CACNB4: variants seen among roughly 807,000 people sequenced by gnomAD.
CACNB4 encodes the protein voltage-dependent L-type calcium channel subunit beta-4.
Under a neutral mutation model 71.2 loss-of-function variants are expected in CACNB4, and 32 were observed. The ratio of observed to expected loss-of-function variants is 0.45; its 90% CI spans 0.34 to 0.60. The LOEUF (loss-of-function observed/expected upper bound fraction) is 0.60, where lower values mean the gene tolerates loss of function less well. Among genes scored for constraint, CACNB4 ranks in the 20% least tolerant of loss-of-function variants. The pLI is 0.01. For missense variants in CACNB4, 464 were observed against 647.9 expected (o/e 0.72, Z 3.08); for synonymous variants, 231 against 236.9 (o/e 0.97, Z 0.23).
At chr2:151,971,852 C>G (rs1560095994) in intron 2 of CACNB4, 2 of 491,990 alleles carry the variant, frequency 4.1e-6, no homozygotes, top group Non-Finnish European at 7.4e-6. Context: ...GCCAGATGCC[C>G]AACTCCACTC....
intron 2 of CACNB4, among the ~76,000 whole-genome samples, chr2:152,057,807 A>G (rs771287840): frequency 4.6e-5 from 7 of 151,416 alleles, no homozygotes; most frequent in Non-Finnish European, 8.8e-5. Flanking sequence ...GTCTCTGCCT[A>G]TGGCAGGCAG....
In CACNB4 at chr2:151,878,141, A is replaced by G. The variant is rs566469723; in HGVS notation, c.391-1585T>C. On this transcript the variant is annotated intron_variant, in intron 4 of 13. Transcript: ENST00000539935. ...CATATACTTTTTTCAAAATGTAACA[A>G]TGATATGTAGTATATTTTGCTGAGC... 2.6e-4 allele frequency among the ~76,000 whole-genome samples: 40 copies of G among 152,222 alleles called. No individual in the cohort carries two copies. In the South Asian group the frequency reaches 3.5e-3, roughly 13 times the overall value.
At position 152,098,627 on chromosome 2, in the gene CACNB4, C is replaced by G. The variant is rs1470859812; in HGVS notation, c.64-214G>C. On this transcript the variant is annotated intron_variant, in intron 1 of 13. Transcript: ENST00000539935. This position sits in a 1 kb window ranked among gnomAD's most constrained non-coding sequence, Gnocchi z 5.3. Reference sequence around the variant, plus strand: ...TGAAAAGATGCTCGAGAAGAGCAGCCCGCAAGCACCCACCACATCCATTAA... The same window carrying G: ...TGAAAAGATGCTCGAGAAGAGCAGCGCGCAAGCACCCACCACATCCATTAA... 3 of 1,563,418 alleles carry G rather than the reference C, an allele frequency of 1.9e-6. No homozygotes were observed. In the South Asian group the frequency reaches 3.5e-5, roughly 18 times the overall value.
At chr2:152,079,858 G>A (rs1466940870) in intron 2 of CACNB4, among the ~76,000 whole-genome samples, 3 of 152,054 alleles carry the variant, frequency 2.0e-5, no homozygotes, top group African/African-American at 7.2e-5. Context: ...CCATCACCTA[G>A]AGTTCTGAAA....
rs184011124 is a variant in CACNB4, at chr2:151,980,984, G to A, written c.148-97614C>T. 6.6e-5 allele frequency among the ~76,000 whole-genome samples: 10 copies of A among 152,164 alleles called. No individual in the cohort carries two copies. In the East Asian group the frequency reaches 1.5e-3, roughly 24 times the overall value. On this transcript the variant is annotated intron_variant, in intron 2 of 13. Transcript: ENST00000539935. ...TTGCACAAGATGTCCCCTCTGTCAG[G>A]GAGGCCACCTTCACTCTGTCCCCTA... is the stretch of plus-strand genomic sequence containing the variant.
chr2:152,065,759 A>AT (rs1423703433), intron 2 of CACNB4, among the ~76,000 whole-genome samples: 1 of 151,922 alleles, frequency 6.6e-6, no homozygotes, highest in African/African-American at 2.4e-5. Context: ...TAAGGGGGTA[A>AT]TTTTTTTAAG....
At chr2:152,036,622 T>C (rs1684610546) in intron 2 of CACNB4, among the ~76,000 whole-genome samples, 1 of 152,228 alleles carries the variant, frequency 6.6e-6, no homozygotes, top group African/African-American at 2.4e-5. Flanking sequence ...TTACATGTTT[T>C]TTACCACATT....
intron 12 of CACNB4, among the ~76,000 whole-genome samples, chr2:151,846,255 T>C (rs779863440): frequency 2.6e-5 from 4 of 152,180 alleles, no homozygotes; most frequent in Non-Finnish European, 5.9e-5. Context: ...GTCACCCTAC[T>C]TTTTACAGAA....
intron 2 of CACNB4, among the ~76,000 whole-genome samples, chr2:151,911,969 T>C (rs1405045158): frequency 6.6e-6 from 1 of 152,230 alleles, no homozygotes; most frequent in African/African-American, 2.4e-5. Flanking sequence ...GATGTGTTTT[T>C]AGTATTCTCT....
At chr2:152,033,223 C>T (rs1228675209) in intron 2 of CACNB4, among the ~76,000 whole-genome samples, 2 of 152,184 alleles carry the variant, frequency 1.3e-5, no homozygotes, top group African/African-American at 2.4e-5. Flanking sequence ...GATGAAGAGG[C>T]ATGCTTACAC....
intron 2 of CACNB4, among the ~76,000 whole-genome samples, chr2:152,047,043 AG>A (rs569974329): frequency 6.8e-4 from 104 of 152,292 alleles, no homozygotes; most frequent in African/African-American, 2.4e-3. Context: ...AGTCCCTTCA[AG>A]GGAAATTCTG....
chr2:152,043,598 G>A (rs1009189560), intron 2 of CACNB4, among the ~76,000 whole-genome samples: 3 of 152,156 alleles, frequency 2.0e-5, no homozygotes, highest in Non-Finnish European at 4.4e-5. Flanking sequence ...GGGATTACAC[G>A]TGTGAGCCAC....
At chr2:151,903,460 A>T in intron 2 of CACNB4, among the ~76,000 whole-genome samples, 1 of 152,240 alleles carries the variant, frequency 6.6e-6, no homozygotes, top group Non-Finnish European at 1.5e-5. Context: ...TGGAGGCTGC[A>T]GTGAGCCAAG....
intron 2 of CACNB4, among the ~76,000 whole-genome samples, chr2:152,030,175 G>A (rs1378552111): frequency 6.6e-6 from 1 of 151,662 alleles, no homozygotes; most frequent in Non-Finnish European, 1.5e-5. Flanking sequence ...AAAATAGTTT[G>A]AGGATTATAT....
At chr2:152,081,996 A>C (rs1277874565) in intron 2 of CACNB4, among the ~76,000 whole-genome samples, 3 of 152,212 alleles carry the variant, frequency 2.0e-5, no homozygotes, top group African/African-American at 7.2e-5. Flanking sequence ...AACTTGTGTT[A>C]TTCTTTATTA....
chr2:151,905,417 C>A (rs905741118), intron 2 of CACNB4, among the ~76,000 whole-genome samples: 15 of 152,208 alleles, frequency 9.9e-5, no homozygotes, highest in African/African-American at 3.4e-4. Context: ...CCAATTCTCT[C>A]TGCAGCAGAA....
At chr2:151,997,656 C>T (rs114237911) in intron 2 of CACNB4, among the ~76,000 whole-genome samples, 2,884 of 152,238 alleles carry the variant, frequency 0.019, 89 homozygotes, top group African/African-American at 0.065. Flanking sequence ...CTAACGGCCA[C>T]CAGACGCTGG....
chr2:151,844,901 A>G (rs2099837133), intron 12 of CACNB4, among the ~76,000 whole-genome samples: 1 of 152,172 alleles, frequency 6.6e-6, no homozygotes, highest in Admixed American at 6.5e-5. Context: ...CATGGGTCTC[A>G]TTCTATAATA....
At position 152,076,322 on chromosome 2, in the gene CACNB4, T is replaced by G. The variant is rs867867086; in HGVS notation, c.147+22008A>C. Among the ~76,000 whole-genome samples the G allele has an allele frequency of 3.9e-4, 58 of 149,962 alleles. 1 individual carries two copies. The South Asian group carries it at 6.1e-3, about 16-fold the overall frequency. On this transcript the variant is annotated intron_variant, in intron 2 of 13. Transcript: ENST00000539935. ...ACACCTGGCTAATTTTTTGGGTTTTTTTTTTTTTTTTTGTATTTTTTTGTA... is the reference window on the plus strand; with the variant it reads ...ACACCTGGCTAATTTTTTGGGTTTTGTTTTTTTTTTTTGTATTTTTTTGTA...
Sources: allele counts gnomAD v4.1 joint callset (sites outside exome capture counted in the v4.1 genomes callset), GRCh38; gene constraint gnomAD v4.1.1; non-coding constraint Gnocchi (gnomAD v3.1); transcripts MANE v1.5; gene names NCBI Gene and HGNC (gene_info 2026-07-23, HGNC 2026-07-21).